The following AGBL4 variants were observed in gnomAD, a reference collection of about 807,000 sequenced individuals.
The protein encoded by AGBL4 is AGBL carboxypeptidase 4, also known as cytosolic carboxypeptidase 6.
In AGBL4, 58 loss-of-function variants were observed where a neutral mutation model predicts 66.4. The observed-to-expected ratio is 0.87, with a 90% CI of 0.71 to 1.09. AGBL4 has a LOEUF of 1.09. Ranked by LOEUF, AGBL4 falls within the 50% of genes least tolerant of loss-of-function variation. AGBL4 has a pLI of 0.00. For synonymous variants in AGBL4, 234 were observed against 222.9 expected, an observed-to-expected ratio of 1.05 and a Z score of -0.44; for missense variants, 579 against 631.0, an observed-to-expected ratio of 0.92 and a Z score of 0.88.
chr1:49,190,291 T>C (rs1244928343), intron 4 of AGBL4, among the ~76,000 whole-genome samples: 2 of 152,186 alleles, frequency 1.3e-5, no homozygotes, highest in Admixed American at 6.6e-5. Context: ...CAAAATAATC[T>C]ATAGCTCCCT....
intron 4 of AGBL4, among the ~76,000 whole-genome samples, chr1:49,074,658 G>A (rs1239526733): frequency 6.6e-6 from 1 of 152,102 alleles, no homozygotes; most frequent in Non-Finnish European, 1.5e-5. Flanking sequence ...AGATAGAGGG[G>A]AGTTCAGTAA....
intron 5 of AGBL4, among the ~76,000 whole-genome samples, chr1:48,979,439 AG>A (rs1659577907): frequency 1.3e-5 from 2 of 152,178 alleles, no homozygotes; most frequent in Non-Finnish European, 2.9e-5. Context: ...TTGGGGAGAT[AG>A]ACATTGATGA....
At chr1:48,934,485 T>C (rs1655291814) in intron 5 of AGBL4, among the ~76,000 whole-genome samples, 1 of 152,196 alleles carries the variant, frequency 6.6e-6, no homozygotes, top group South Asian at 2.1e-4. Context: ...GGTGGATATC[T>C]AGGTCCTTTC....
intron 3 of AGBL4, among the ~76,000 whole-genome samples, chr1:49,567,434 T>C (rs1644235201): frequency 6.6e-6 from 1 of 152,314 alleles, no homozygotes. Context: ...TATTCGGCCA[T>C]CTTGGCTCCA....
intron 3 of AGBL4, among the ~76,000 whole-genome samples, chr1:49,693,555 CA>C (rs1646928510): frequency 6.6e-6 from 1 of 151,626 alleles, no homozygotes; most frequent in Non-Finnish European, 1.5e-5. Context: ...ATAAATATGC[CA>C]AAAAAATTAA....
At chr1:48,922,671 TAGCTATAAAATAATGTGA>T (rs1462097495) in intron 5 of AGBL4, among the ~76,000 whole-genome samples, 2 of 152,222 alleles carry the variant, frequency 1.3e-5, no homozygotes, top group Non-Finnish European at 2.9e-5. Flanking sequence ...GATACTTGAA[TAGCTATAAAATAATGTGA>T]ACATTCATTG....
At chr1:49,805,937 G>C (rs1174324695) in intron 2 of AGBL4, among the ~76,000 whole-genome samples, 2 of 152,158 alleles carry the variant, frequency 1.3e-5, no homozygotes, top group African/African-American at 2.4e-5. Context: ...AAGCTTCCCA[G>C]CTTATGGCAT....
chr1:49,443,870 ATCTT>A (rs1646093835), intron 3 of AGBL4, among the ~76,000 whole-genome samples: 2 of 150,648 alleles, frequency 1.3e-5, no homozygotes, highest in South Asian at 2.1e-4. Context: ...CTGATTTGTG[ATCTT>A]TCTACTTGTT....
At chr1:49,598,660 T>C (rs990563516) in intron 3 of AGBL4, among the ~76,000 whole-genome samples, 26 of 151,826 alleles carry the variant, frequency 1.7e-4, no homozygotes, top group African/African-American at 6.1e-4. Context: ...TGCTCGGGGG[T>C]CAGGGGTCAG....
At chr1:49,415,773 C>G (rs572463720) in intron 3 of AGBL4, among the ~76,000 whole-genome samples, 20 of 152,184 alleles carry the variant, frequency 1.3e-4, no homozygotes, top group African/African-American at 4.3e-4. Context: ...AGAAAAATTA[C>G]TTCTTTTTAG....
chr1:49,816,754 T>G (rs1452472885), intron 2 of AGBL4, among the ~76,000 whole-genome samples: 1 of 152,190 alleles, frequency 6.6e-6, no homozygotes, highest in African/African-American at 2.4e-5. Flanking sequence ...CTCTTGTATA[T>G]TAGATAACAA....
intron 3 of AGBL4, among the ~76,000 whole-genome samples, chr1:49,446,816 G>T (rs1393649408): frequency 6.6e-6 from 1 of 152,080 alleles, no homozygotes; most frequent in African/African-American, 2.4e-5. Flanking sequence ...TTTAAACCTG[G>T]TACTACATGA....
chr1:48,691,173 A>C (rs938653329), intron 6 of AGBL4, among the ~76,000 whole-genome samples: 3 of 149,812 alleles, frequency 2.0e-5, no homozygotes, highest in South Asian at 2.1e-4. Flanking sequence ...AAAAAAAAAA[A>C]AACACATATA....
At chr1:49,020,114 T>C (rs751210320) in intron 5 of AGBL4, among the ~76,000 whole-genome samples, 7 of 152,176 alleles carry the variant, frequency 4.6e-5, no homozygotes, top group Non-Finnish European at 1.0e-4. Flanking sequence ...TGGTAATGAA[T>C]TAGTGGTGTA....
chr1:49,386,697 G>T (rs932292210), intron 3 of AGBL4, among the ~76,000 whole-genome samples: 4 of 151,938 alleles, frequency 2.6e-5, no homozygotes, highest in African/African-American at 9.7e-5. Context: ...ACTTCAAAAT[G>T]AAGTATTTAT....
intron 5 of AGBL4, among the ~76,000 whole-genome samples, chr1:48,877,768 T>C (rs1055579841): frequency 1.3e-5 from 2 of 152,026 alleles, no homozygotes; most frequent in Non-Finnish European, 2.9e-5. Flanking sequence ...CTCCCCTGTG[T>C]TGTTTGAATA....
chr1:49,237,135 C>T (rs1015071473), intron 4 of AGBL4, among the ~76,000 whole-genome samples: 10 of 151,534 alleles, frequency 6.6e-5, no homozygotes, highest in African/African-American at 1.7e-4. Context: ...TGGTGGCAGG[C>T]GCCTGTAGTC....
At chr1:49,083,149 C>T (rs1469024837) in intron 4 of AGBL4, among the ~76,000 whole-genome samples, 2 of 152,192 alleles carry the variant, frequency 1.3e-5, no homozygotes, top group African/African-American at 4.8e-5. Flanking sequence ...GTGTCTACAG[C>T]TTTTCCAGGA....
intron 1 of AGBL4, among the ~76,000 whole-genome samples, chr1:49,884,823 C>G (rs1647842358): frequency 6.6e-6 from 1 of 151,528 alleles, no homozygotes; most frequent in African/African-American, 2.4e-5. Context: ...AAATTATGAA[C>G]ATATTTTGGG....
Sources: gnomAD v4.1 joint callset for allele counts (sites outside exome capture counted in the v4.1 genomes callset) on GRCh38, gnomAD v4.1.1 for gene constraint, MANE v1.5 for transcripts, NCBI Gene and HGNC (gene_info 2026-07-23, HGNC 2026-07-21) for gene names.